Variants in FAM222B observed in about 807,000 individuals in gnomAD.
FAM222B encodes family with sequence similarity 222 member B.
FAM222B carries 12 observed loss-of-function variants against 38.0 expected under a neutral mutation model. That is an observed-to-expected ratio of 0.32 (90% CI 0.20 to 0.51). The LOEUF (loss-of-function observed/expected upper bound fraction) is 0.51, where lower values mean the gene tolerates loss of function less well. Ranked by LOEUF, FAM222B falls within the 20% of genes least tolerant of loss-of-function variation. The probability of loss-of-function intolerance (pLI) is 0.97; values close to 1 mark genes in which losing one functional copy is unlikely to be tolerated. For synonymous variants in FAM222B, 329 were observed against 317.2 expected (o/e 1.04, Z -0.40); for missense variants, 716 against 754.2 (o/e 0.95, Z 0.59).
chr17:28,824,756 G>A (rs1389523405), intron 1 of FAM222B, among the ~76,000 whole-genome samples: 2 of 152,104 alleles, frequency 1.3e-5, no homozygotes, highest in East Asian at 1.9e-4. Flanking sequence ...CCTTGTTACT[G>A]GTCTCCTTGC....
intron 2 of FAM222B, among the ~76,000 whole-genome samples, chr17:28,762,802 T>C (rs2035146828): frequency 1.3e-5 from 2 of 151,168 alleles, no homozygotes; most frequent in African/African-American, 4.9e-5. Flanking sequence ...TAGCCGGGCA[T>C]GGTGGCAGGT....
chr17:28,792,909 AC>A (rs2036770097), intron 1 of FAM222B, among the ~76,000 whole-genome samples: 1 of 151,386 alleles, frequency 6.6e-6, no homozygotes, highest in Admixed American at 6.6e-5. Flanking sequence ...TGCCATGTTC[AC>A]TTTTCATTTT....
Position 28,818,146 on chromosome 17 carries a change from C to T in FAM222B, c.-41+24536G>A, listed in dbSNP as rs1237179007. ...GGCTGAGGTGGGAGGATCATTTGAG[C>T]CCAGGAGTAAGAGTTCAAGGTTATA... On this transcript the variant is annotated intron_variant, in intron 1 of 2. Transcript: ENST00000581407. 3.3e-5 allele frequency among the ~76,000 whole-genome samples: 5 copies of T among 151,882 alleles called. No homozygotes were observed. The East Asian group carries it at 9.6e-4, about 29-fold the overall frequency.
In FAM222B at chr17:28,758,784, T is replaced by C. The variant is rs1040067918; in HGVS notation, c.1175A>G (p.His392Arg). The C allele has an allele frequency of 1.9e-6, 3 of 1,576,490 alleles. No homozygotes were observed. The highest frequency in any genetic ancestry group is 1.7e-6 in the Non-Finnish European group (2 of 1,159,742). ...CCCTGCCAACTCGCGTCCTGCCGCA[T>C]GCTTGCCTGTCAGGCCAGGGGCTGG... ...GTPAPGLTGK[H>R]AAGRELAGPG... is the part of the protein sequence containing the mutation. Residue 392 changes from histidine to arginine, a missense_variant, in exon 3 of 3, where the codon CAT becomes CGT. Transcript: ENST00000581407.
intron 1 of FAM222B, among the ~76,000 whole-genome samples, chr17:28,824,181 AT>A (rs1303140162): frequency 0.062 from 8,631 of 139,960 alleles, 289 homozygotes; most frequent in Middle Eastern, 0.095. Flanking sequence ...CCGGCCGAGA[AT>A]TTTTTTTTTT....
rs1349292500 is a variant in FAM222B at position 28,828,304 on chromosome 17, TGCAACCCCA to T, written c.-41+14369_-41+14377del. ...TGAGCTGGGCACAGAGGCTCACACCTGCAACCCCAGCAGTTTGGGAGGCTGTGGTGACCA... is the reference window on the plus strand; with the variant it reads ...TGAGCTGGGCACAGAGGCTCACACCTGCAGTTTGGGAGGCTGTGGTGACCA... On this transcript the variant is annotated intron_variant, in intron 1 of 2. Coordinates refer to ENST00000581407, the MANE Select transcript of FAM222B (RefSeq NM_001077498.3). Among the ~76,000 whole-genome samples the T allele has an allele frequency of 5.3e-4, 80 of 151,718 alleles. 5 individuals are homozygous for T. In the East Asian group the frequency reaches 7.5e-3, roughly 14 times the overall value.
At chr17:28,820,040 C>A (rs2038155891) in intron 1 of FAM222B, among the ~76,000 whole-genome samples, 1 of 152,186 alleles carries the variant, frequency 6.6e-6, no homozygotes, top group African/African-American at 2.4e-5. Context: ...TCCAGTCCAA[C>A]CTGCATAAAG....
chr17:28,775,752 G>A (rs1043922410), intron 1 of FAM222B, among the ~76,000 whole-genome samples: 1 of 151,552 alleles, frequency 6.6e-6, no homozygotes, highest in Non-Finnish European at 1.5e-5. Flanking sequence ...ATGGTGGCTC[G>A]AGACTATAGT....
chr17:28,854,486 G>A (rs1215261975), intron 1 of FAM222B, among the ~76,000 whole-genome samples: 2 of 152,106 alleles, frequency 1.3e-5, no homozygotes, highest in African/African-American at 4.8e-5. Flanking sequence ...CCCAAACACC[G>A]ACCCAAGGAC....
At chr17:28,815,001 AG>A (rs2037960730) in intron 1 of FAM222B, among the ~76,000 whole-genome samples, 1 of 148,026 alleles carries the variant, frequency 6.8e-6, no homozygotes, top group Non-Finnish European at 1.5e-5. Context: ...CTCGAACTCC[AG>A]ACCTCAGGTG....
At chr17:28,793,726 C>G (rs1423939518) in intron 1 of FAM222B, among the ~76,000 whole-genome samples, 1 of 151,354 alleles carries the variant, frequency 6.6e-6, no homozygotes, top group Admixed American at 6.6e-5. Flanking sequence ...TTGTCATATT[C>G]TGCCATACTC....
chr17:28,771,981 C>T (rs1447427632), intron 1 of FAM222B, among the ~76,000 whole-genome samples: 3 of 152,092 alleles, frequency 2.0e-5, no homozygotes, highest in Admixed American at 6.5e-5. Context: ...GGCATGAACC[C>T]GGGAGGCGGA....
Position 28,803,247 on chromosome 17 carries a change from AT to A in FAM222B, c.-40-36541del, listed in dbSNP as rs2037322675. Among the ~76,000 whole-genome samples the A allele has an allele frequency of 3.9e-5, 6 of 152,176 alleles. No individual in the cohort carries two copies. In the South Asian group the frequency reaches 1.2e-3, roughly 32 times the overall value. ...GGTCTCGAATGCCTGACTTCAAGTGATCTGCCCACCTTGGCCTCCCAAAGTG... is the reference window on the plus strand; with the variant it reads ...GGTCTCGAATGCCTGACTTCAAGTGACTGCCCACCTTGGCCTCCCAAAGTG... On this transcript the variant is annotated intron_variant, in intron 1 of 2. Coordinates refer to ENST00000581407, the MANE Select transcript of FAM222B (RefSeq NM_001077498.3).
intron 1 of FAM222B, among the ~76,000 whole-genome samples, chr17:28,826,423 G>A (rs985155879): frequency 1.3e-4 from 20 of 150,088 alleles, no homozygotes; most frequent in African/African-American, 4.9e-4. Flanking sequence ...GCTCACGCCT[G>A]TAATCCCAAC....
At chr17:28,822,759 C>T (rs1165886821) in intron 1 of FAM222B, among the ~76,000 whole-genome samples, 6 of 130,930 alleles carry the variant, frequency 4.6e-5, no homozygotes, top group East Asian at 2.3e-4. Context: ...GCTGAGATCA[C>T]GCCACTGCAC....
At position 28,807,360 on chromosome 17, in the gene FAM222B, G is replaced by A. The variant is rs116694923; in HGVS notation, c.-41+35322C>T. ...GAAATGATTCTTGGGCTGAAGAAAC[G>A]CTTGTTTTTGTGTGTGTGTTTTTTT... is the stretch of plus-strand genomic sequence containing the variant. On this transcript the variant is annotated intron_variant, in intron 1 of 2. Coordinates refer to ENST00000581407, the MANE Select transcript of FAM222B (RefSeq NM_001077498.3). Among the ~76,000 whole-genome samples, 699 of 151,634 alleles carry A rather than the reference G, an allele frequency of 4.6e-3. 9 individuals are homozygous for A. Among genetic ancestry groups the A allele is most frequent in the African/African-American group, 0.016 (666 of 41,362 alleles).
intron 1 of FAM222B, among the ~76,000 whole-genome samples, chr17:28,778,488 T>C (rs1200870026): frequency 1.3e-5 from 2 of 148,872 alleles, no homozygotes; most frequent in East Asian, 3.9e-4. Context: ...TAAGTAAAAA[T>C]GAGTGTTCCC....
intron 1 of FAM222B, among the ~76,000 whole-genome samples, chr17:28,825,839 G>A (rs998422468): frequency 2.6e-5 from 4 of 152,070 alleles, no homozygotes; most frequent in South Asian, 2.1e-4. Flanking sequence ...GCAGTGGCGC[G>A]ATCTTGGCTC....
At chr17:28,836,191 T>C (rs1407353235) in intron 1 of FAM222B, among the ~76,000 whole-genome samples, 1 of 151,720 alleles carries the variant, frequency 6.6e-6, no homozygotes, top group African/African-American at 2.4e-5. Context: ...GGTTTCACCA[T>C]ATTGGCCAGG....
Sources: gnomAD v4.1 joint callset for allele counts (sites outside exome capture counted in the v4.1 genomes callset) on GRCh38, gnomAD v4.1.1 for gene constraint, MANE v1.5 for transcripts, NCBI Gene and HGNC (gene_info 2026-07-23, HGNC 2026-07-21) for gene names.